Variants in ACMSD observed in about 807,000 individuals in gnomAD.
ACMSD encodes 2-amino-3-carboxymuconate-6-semialdehyde decarboxylase.
Under a neutral mutation model 45.9 loss-of-function variants are expected in ACMSD, and 37 were observed. The observed-to-expected ratio is 0.81, with a 90% CI of 0.62 to 1.06. ACMSD has a LOEUF of 1.06. Ranked by LOEUF, ACMSD falls within the 50% of genes least tolerant of loss-of-function variation. The pLI is 0.00. For missense variants in ACMSD, 434 were observed against 420.9 expected, an observed-to-expected ratio of 1.03 and a Z score of -0.27; for synonymous variants, 138 against 148.8, an observed-to-expected ratio of 0.93 and a Z score of 0.53.
intron 8 of ACMSD, among the ~76,000 whole-genome samples, chr2:134,896,890 C>T (rs1220047155): frequency 6.6e-6 from 1 of 152,068 alleles, no homozygotes; most frequent in Non-Finnish European, 1.5e-5. Flanking sequence ...GTGAAATGTA[C>T]CAACCAGGCA....
intron 9 of ACMSD, 21 bp downstream of exon 9, chr2:134,898,460 C>T (rs1445851662): frequency 2.4e-5 from 37 of 1,522,158 alleles, no homozygotes; most frequent in African/African-American, 5.6e-5. Flanking sequence ...TTTTACTTCA[C>T]GGCTTTCTTA....
chr2:134,845,008 A>G (rs1296274333), intron 1 of ACMSD, among the ~76,000 whole-genome samples: 14 of 152,230 alleles, frequency 9.2e-5, no homozygotes, highest in Non-Finnish European at 2.9e-5. Flanking sequence ...GAAAAGATAA[A>G]ACCAGCACTG....
intron 9 of ACMSD, among the ~76,000 whole-genome samples, chr2:134,900,718 T>C (rs1487732072): frequency 1.3e-5 from 2 of 152,126 alleles, no homozygotes; most frequent in African/African-American, 4.8e-5. Context: ...CCTTCATAGA[T>C]AAGGGGGGAC....
At chr2:134,851,218 C>A (rs889430706) in intron 2 of ACMSD, among the ~76,000 whole-genome samples, 1 of 152,158 alleles carries the variant, frequency 6.6e-6, no homozygotes, top group African/African-American at 2.4e-5. Context: ...TCGTTATGGG[C>A]ACCTAGGTTG....
At chr2:134,845,153 G>T in intron 1 of ACMSD, 80 bp from the exon 2 acceptor site, 2 of 1,453,094 alleles carry the variant, frequency 1.4e-6, no homozygotes, top group Non-Finnish European at 1.9e-6. Context: ...TGGAGCTCAG[G>T]ATCTTCTGCA....
intron 2 of ACMSD, among the ~76,000 whole-genome samples, chr2:134,858,673 C>T (rs1414003903): frequency 6.6e-6 from 1 of 151,940 alleles, no homozygotes; most frequent in Admixed American, 6.6e-5. Flanking sequence ...AAAATTATTG[C>T]TGTGTACCCA....
chr2:134,849,778 G>C (rs777678561), intron 2 of ACMSD, among the ~76,000 whole-genome samples: 10 of 152,202 alleles, frequency 6.6e-5, no homozygotes, highest in Admixed American at 1.3e-4. Context: ...TAGCAGGCCA[G>C]TCCTTGGTTT....
intron 2 of ACMSD, among the ~76,000 whole-genome samples, chr2:134,851,368 T>C (rs1687336557): frequency 6.6e-6 from 1 of 152,184 alleles, no homozygotes; most frequent in Non-Finnish European, 1.5e-5. Flanking sequence ...TGTTTTAAGT[T>C]CTTTGAGAAA....
intron 8 of ACMSD, 42 bp from the exon 9 acceptor site, chr2:134,898,299 T>C (rs752296901): frequency 5.2e-6 from 7 of 1,340,634 alleles, no homozygotes. Context: ...GGCTCTTTCA[T>C]GTTTTACAAA....
At chr2:134,853,645 C>T (rs564917374) in intron 2 of ACMSD, among the ~76,000 whole-genome samples, 1 of 152,092 alleles carries the variant, frequency 6.6e-6, no homozygotes, top group South Asian at 2.1e-4. Context: ...GAATGTAAAG[C>T]GACAGAGATC....
At position 134,872,519 on chromosome 2, in the gene ACMSD, CG is replaced by C; in HGVS notation, c.728del (p.Arg243ProfsTer11). ...AAGAATCTCCCATGGATTCAGCATG[CG>C]CCCAGATCTGTGTGCCCAGGACAAC... is the stretch of plus-strand genomic sequence containing the variant. ...VGRISHGFSM[R>X]PDLCAQDNPM... On this transcript the variant is annotated frameshift_variant, in exon 8 of 10. Transcript: ENST00000356140. LOFTEE classifies it high-confidence loss of function. The C allele has an allele frequency of 6.2e-7, 1 of 1,614,138 alleles. No individual in the cohort carries two copies. The highest frequency in any genetic ancestry group is 8.5e-7 in the Non-Finnish European group (1 of 1,180,014).
At chr2:134,889,252 T>A (rs1193365855) in intron 8 of ACMSD, among the ~76,000 whole-genome samples, 2 of 152,158 alleles carry the variant, frequency 1.3e-5, no homozygotes, top group Admixed American at 6.5e-5. Context: ...GTTTTTAATA[T>A]AGAAAGATAT....
intron 8 of ACMSD, among the ~76,000 whole-genome samples, chr2:134,883,484 G>A (rs185824417): frequency 6.6e-6 from 1 of 152,248 alleles, no homozygotes; most frequent in East Asian, 1.9e-4. Flanking sequence ...GAAATAACAG[G>A]TGATAGAACT....
At chr2:134,851,390 C>T (rs1208630754) in intron 2 of ACMSD, among the ~76,000 whole-genome samples, 1 of 152,070 alleles carries the variant, frequency 6.6e-6, no homozygotes, top group African/African-American at 2.4e-5. Context: ...CTCTGAACTG[C>T]TTTCCACAGT....
intron 1 of ACMSD, among the ~76,000 whole-genome samples, chr2:134,843,086 A>G (rs1686878998): frequency 6.6e-6 from 1 of 152,240 alleles, no homozygotes; most frequent in Non-Finnish European, 1.5e-5. Flanking sequence ...TTAAGAGCAC[A>G]TAGTCTTAAG....
At chr2:134,885,303 T>A (rs35729486) in intron 8 of ACMSD, among the ~76,000 whole-genome samples, 2,138 of 102,550 alleles carry the variant, frequency 0.021, 98 homozygotes, top group East Asian at 0.14. Context: ...ATATATATAT[T>A]TAAATATATA....
intron 2 of ACMSD, among the ~76,000 whole-genome samples, chr2:134,853,086 C>A (rs1211955234): frequency 2.0e-5 from 3 of 151,048 alleles, no homozygotes; most frequent in Non-Finnish European, 4.4e-5. Flanking sequence ...TCACTTGAAC[C>A]CAGGAGGCGG....
intron 8 of ACMSD, among the ~76,000 whole-genome samples, chr2:134,879,960 T>C (rs1191152577): frequency 3.3e-5 from 5 of 152,202 alleles, no homozygotes; most frequent in African/African-American, 4.8e-5. Flanking sequence ...GATTTTCCCA[T>C]TTCTTGGTTT....
chr2:134,849,105 T>G (rs1426845899), intron 2 of ACMSD, among the ~76,000 whole-genome samples: 1 of 152,174 alleles, frequency 6.6e-6, no homozygotes, highest in Non-Finnish European at 1.5e-5. Context: ...AGCTGTGATT[T>G]TTTTTTTTCT....
Sources: gnomAD v4.1 joint callset for allele counts (sites outside exome capture counted in the v4.1 genomes callset) on GRCh38, gnomAD v4.1.1 for gene constraint, MANE v1.5 for transcripts, NCBI Gene and HGNC (gene_info 2026-07-23, HGNC 2026-07-21) for gene names.